CFAP61: variants seen among roughly 807,000 people sequenced by gnomAD.
CFAP61 encodes the protein cilia- and flagella-associated protein 61.
A neutral mutation model predicts 135.6 loss-of-function variants in CFAP61; 107 were observed. That is an observed-to-expected ratio of 0.79 (90% CI 0.67 to 0.93). CFAP61 has a LOEUF of 0.93. Among genes scored for constraint, CFAP61 ranks in the 40% least tolerant of loss-of-function variants. The pLI, the probability that CFAP61 is intolerant of heterozygous loss-of-function variation, is 0.00. For synonymous variants in CFAP61, 575 were observed against 578.5 expected, an observed-to-expected ratio of 0.99 and a Z score of 0.09; for missense variants, 1,507 against 1,556.2, an observed-to-expected ratio of 0.97 and a Z score of 0.53.
chr20:20,324,437 A>G lies in CFAP61; in HGVS notation c.3423-17394A>G, dbSNP rs201216709. Among the ~76,000 whole-genome samples, 28 of 152,348 alleles carry G rather than the reference A, an allele frequency of 1.8e-4. 1 individual carries two copies. In the East Asian group the frequency reaches 5.4e-3, roughly 29 times the overall value. Reference sequence around the variant, plus strand: ...TGAAGTTCTTTCCATGTCAGTACACATAGTTCTCACTCTTTTTAATGGCTT... The same window carrying G: ...TGAAGTTCTTTCCATGTCAGTACACGTAGTTCTCACTCTTTTTAATGGCTT... On this transcript the variant is annotated intron_variant, in intron 25 of 26. Transcript: ENST00000245957.
At chr20:20,087,071 G>T (rs928452613) in intron 6 of CFAP61, among the ~76,000 whole-genome samples, 4 of 152,164 alleles carry the variant, frequency 2.6e-5, no homozygotes, top group African/African-American at 9.7e-5. Flanking sequence ...GAAAGATGCA[G>T]GCAAAGAATT....
intron 8 of CFAP61, among the ~76,000 whole-genome samples, chr20:20,124,094 C>T (rs2049891209): frequency 1.3e-5 from 2 of 148,836 alleles, no homozygotes; most frequent in Admixed American, 1.4e-4. Flanking sequence ...ATCTTGTATC[C>T]AGAAGGTTTG....
intron 9 of CFAP61, among the ~76,000 whole-genome samples, chr20:20,149,515 G>A (rs1280966916): frequency 6.6e-6 from 1 of 152,200 alleles, no homozygotes; most frequent in Non-Finnish European, 1.5e-5. Flanking sequence ...CACAAGACAG[G>A]CGAAAACCTG....
chr20:20,094,506 G>C (rs1347858653), intron 7 of CFAP61: 2 of 152,248 alleles, frequency 1.3e-5, no homozygotes, highest in Non-Finnish European at 1.5e-5. Context: ...TGAATCACTT[G>C]AGTCAGTGCT....
chr20:20,346,754 C>A (rs1328082094), intron 26 of CFAP61, among the ~76,000 whole-genome samples: 1 of 151,964 alleles, frequency 6.6e-6, no homozygotes, highest in African/African-American at 2.4e-5. Context: ...ACAAAAGAAC[C>A]CCAAAATATA....
At chr20:20,137,312 G>C (rs1234770433) in intron 8 of CFAP61, among the ~76,000 whole-genome samples, 1 of 152,272 alleles carries the variant, frequency 6.6e-6, no homozygotes, top group South Asian at 2.1e-4. Context: ...AAGCCATCCA[G>C]GCCTATGTCC....
chr20:20,303,752 C>T (rs1448220290), intron 25 of CFAP61, among the ~76,000 whole-genome samples: 1 of 152,162 alleles, frequency 6.6e-6, no homozygotes, highest in African/African-American at 2.4e-5. Flanking sequence ...GTTTCATTTG[C>T]GCACTTCCAT....
intron 17 of CFAP61, among the ~76,000 whole-genome samples, chr20:20,217,314 AC>A (rs1437773923): frequency 6.6e-6 from 1 of 152,250 alleles, no homozygotes; most frequent in African/African-American, 2.4e-5. Flanking sequence ...AGTCAGAGAT[AC>A]AATTGGATGT....
chr20:20,207,063 T>TG (rs1261418668), intron 17 of CFAP61, among the ~76,000 whole-genome samples: 4 of 152,162 alleles, frequency 2.6e-5, no homozygotes, highest in Non-Finnish European at 5.9e-5. Flanking sequence ...GTAATACTGT[T>TG]TCAGTTCTTT....
intron 15 of CFAP61, among the ~76,000 whole-genome samples, chr20:20,192,775 T>C (rs1601312852): frequency 6.6e-6 from 1 of 152,292 alleles, no homozygotes; most frequent in South Asian, 2.1e-4. Flanking sequence ...TTTCTCTTGG[T>C]ATTCTGAGTA....
intron 25 of CFAP61, among the ~76,000 whole-genome samples, chr20:20,324,288 G>T (rs6136995): frequency 0.2 from 31,096 of 151,854 alleles, 4,301 homozygotes; most frequent in African/African-American, 0.38. Flanking sequence ...TTCTCCCTCC[G>T]CTCAGTCCCA....
At chr20:20,197,197 T>A (rs1310624444) in intron 16 of CFAP61, among the ~76,000 whole-genome samples, 1 of 152,178 alleles carries the variant, frequency 6.6e-6, no homozygotes, top group Non-Finnish European at 1.5e-5. Context: ...TGGCATGCTA[T>A]CCCAGCATTC....
intron 15 of CFAP61, among the ~76,000 whole-genome samples, chr20:20,194,457 C>T (rs2056145165): frequency 6.6e-6 from 1 of 152,154 alleles, no homozygotes; most frequent in Non-Finnish European, 1.5e-5. Context: ...TCTGAGTATA[C>T]TCTGTAGAAT....
At chr20:20,291,358 C>A (rs55817863) in intron 24 of CFAP61, among the ~76,000 whole-genome samples, 1 of 152,200 alleles carries the variant, frequency 6.6e-6, no homozygotes, top group African/African-American at 2.4e-5. Context: ...TACTGATCTT[C>A]ATACTGTCTC....
At chr20:20,121,808 T>G (rs562954453) in intron 8 of CFAP61, among the ~76,000 whole-genome samples, 32 of 152,286 alleles carry the variant, frequency 2.1e-4, no homozygotes, top group African/African-American at 7.5e-4. Context: ...AGTACAGGCT[T>G]TCAACTGCCA....
At chr20:20,264,830 T>C (rs982237644) in intron 21 of CFAP61, among the ~76,000 whole-genome samples, 3 of 152,180 alleles carry the variant, frequency 2.0e-5, no homozygotes, top group African/African-American at 7.2e-5. Context: ...AGGTCAAGGC[T>C]GCAGAGAGGC....
intron 18 of CFAP61, among the ~76,000 whole-genome samples, chr20:20,237,567 C>A (rs766593067): frequency 6.6e-6 from 1 of 152,174 alleles, no homozygotes; most frequent in Non-Finnish European, 1.5e-5. Flanking sequence ...CCCTGGAGGT[C>A]AGAGTGTGTC....
intron 26 of CFAP61, among the ~76,000 whole-genome samples, chr20:20,347,240 T>G (rs1012444641): frequency 6.6e-6 from 1 of 152,092 alleles, no homozygotes; most frequent in African/African-American, 2.4e-5. Context: ...ATTTATGAGA[T>G]CCAAAGAAAG....
chr20:20,181,212 T>TAC (rs1431640820), intron 13 of CFAP61, among the ~76,000 whole-genome samples: 8 of 133,790 alleles, frequency 6.0e-5, no homozygotes, highest in South Asian at 5.1e-4. Context: ...TATGTATATA[T>TAC]ACATATGTGT....
Sources: gnomAD v4.1 joint callset for allele counts (sites outside exome capture counted in the v4.1 genomes callset) on GRCh38, gnomAD v4.1.1 for gene constraint, MANE v1.5 for transcripts, NCBI Gene and HGNC (gene_info 2026-07-23, HGNC 2026-07-21) for gene names.